AKAP9: variants seen among roughly 807,000 people sequenced by gnomAD.
The protein encoded by AKAP9 is A-kinase anchoring protein 9.
In AKAP9, 311 loss-of-function variants were observed where a neutral mutation model predicts 488.5. That is an observed-to-expected ratio of 0.64 (90% CI 0.58 to 0.70). The LOEUF is 0.70. Among genes scored for constraint, AKAP9 ranks in the 30% least tolerant of loss-of-function variants. The pLI, the probability that AKAP9 is intolerant of heterozygous loss-of-function variation, is 0.00. For synonymous variants in AKAP9, 1,462 were observed against 1,483.5 expected (o/e 0.99, Z 0.33); for missense variants, 4,215 against 4,374.5 (o/e 0.96, Z 1.03).
At chr7:91,986,652 A>G (rs1262683227) in intron 3 of AKAP9, among the ~76,000 whole-genome samples, 11 of 152,274 alleles carry the variant, frequency 7.2e-5, no homozygotes, top group African/African-American at 2.4e-4. Context: ...TCTTGTTATA[A>G]TAAGACAGTC....
At chr7:92,013,486 C>G (rs1801079586) in intron 9 of AKAP9, among the ~76,000 whole-genome samples, 2 of 152,080 alleles carry the variant, frequency 1.3e-5, no homozygotes, top group Admixed American at 6.6e-5. Context: ...GGTGATAAGA[C>G]CTACTGCAGG....
chr7:92,017,069 CAA>C lies in AKAP9; in HGVS notation c.3806_3807del (p.Lys1269ThrfsTer22), dbSNP rs1457224296. 2 of 1,591,292 alleles carry C rather than the reference CAA, an allele frequency of 1.3e-6. No individual in the cohort carries two copies. The highest frequency in any genetic ancestry group is 3.4e-5 in the Admixed American group (2 of 59,018). The part of the protein sequence containing the change: ...LLNKVTEEYN[K>X]LLVLQTRLSK... ...TCAACAAAGTAACAGAAGAATACAA[CAA>C]ACTCTTGGTACTTCAAACACGACTA... On this transcript the variant is annotated frameshift_variant, in exon 12 of 50. Transcript: ENST00000356239. LOFTEE classifies it high-confidence loss of function.
intron 14 of AKAP9, among the ~76,000 whole-genome samples, chr7:92,029,354 T>C (rs1803846322): frequency 6.6e-6 from 1 of 152,212 alleles, no homozygotes; most frequent in Non-Finnish European, 1.5e-5. Context: ...TTACTTTCGA[T>C]GTGTATACAT....
chr7:91,965,436 A>T (rs998485355), intron 1 of AKAP9, among the ~76,000 whole-genome samples: 1 of 152,114 alleles, frequency 6.6e-6, no homozygotes, highest in Non-Finnish European at 1.5e-5. Flanking sequence ...TTATCAATTG[A>T]TGGGCACTTA....
chr7:92,070,844 A>T (rs1423867375), intron 27 of AKAP9, 61 bp from the exon 28 acceptor site: 23 of 1,304,942 alleles, frequency 1.8e-5, no homozygotes, highest in Non-Finnish European at 2.4e-5. Flanking sequence ...AAAAACAAAA[A>T]AAAACTGGAT....
intron 1 of AKAP9, among the ~76,000 whole-genome samples, chr7:91,963,255 C>G (rs767741993): frequency 3.9e-5 from 6 of 152,048 alleles, no homozygotes; most frequent in Non-Finnish European, 7.4e-5. Flanking sequence ...GGTCTTGCAC[C>G]TGTTCCTCAA....
At chr7:91,988,243 A>T (rs1797338515) in intron 3 of AKAP9, among the ~76,000 whole-genome samples, 1 of 141,666 alleles carries the variant, frequency 7.1e-6, no homozygotes, top group Admixed American at 7.6e-5. Flanking sequence ...TGAGCCCAGG[A>T]GTATGATCAC....
Position 92,040,999 on chromosome 7 carries a change from C to T in AKAP9, c.4917+101C>T, listed in dbSNP as rs1033333905. 1,221 of 1,034,118 alleles carry T rather than the reference C, an allele frequency of 1.2e-3. 19 individuals are homozygous for T. The highest frequency in any genetic ancestry group is 5.9e-4 in the Admixed American group (21 of 35,784). The allele number at this position is 1,034,118 out of a possible 1,614,324, so 64.1% of individuals were successfully genotyped here. A position where few individuals can be genotyped will look rare whatever the true frequency, so the allele number is the denominator to read the frequency against. On this transcript the variant is annotated intron_variant, in intron 18 of 49. Coordinates refer to ENST00000356239, the MANE Select transcript of AKAP9 (RefSeq NM_005751.5). Reference sequence around the variant, plus strand: ...TAAAACAACAGTATTTTTTATGTAGCCATAATTTTTTTTTTTTTTTGCCGA... The same window carrying T: ...TAAAACAACAGTATTTTTTATGTAGTCATAATTTTTTTTTTTTTTTGCCGA...
At position 91,999,917 on chromosome 7, in the gene AKAP9, G is replaced by A. The variant is rs531328108; in HGVS notation, c.931-931G>A. The stretch of plus-strand genomic sequence containing the variant: ...TAAGTCCTGTTTGCCTGGGACTCCT[G>A]TCTCTTTAAAATGATTTTACTTACC... On this transcript the variant is annotated intron_variant, in intron 7 of 49. Coordinates refer to ENST00000356239, the MANE Select transcript of AKAP9 (RefSeq NM_005751.5). Among the ~76,000 whole-genome samples, 19 of 152,194 alleles carry A rather than the reference G, an allele frequency of 1.2e-4. No homozygotes were observed. The East Asian group carries it at 3.5e-3, about 28-fold the overall frequency.
At chr7:92,042,428 T>G (rs1806274436) in intron 19 of AKAP9, among the ~76,000 whole-genome samples, 1 of 152,246 alleles carries the variant, frequency 6.6e-6, no homozygotes, top group Non-Finnish European at 1.5e-5. Context: ...ACTTTATTGT[T>G]GCACTACAGC....
At chr7:92,047,315 C>T (rs956590745) in intron 21 of AKAP9, among the ~76,000 whole-genome samples, 3 of 152,050 alleles carry the variant, frequency 2.0e-5, no homozygotes, top group Non-Finnish European at 4.4e-5. Flanking sequence ...CTCCTGGGTT[C>T]AAGCCATTCT....
intron 28 of AKAP9, among the ~76,000 whole-genome samples, chr7:92,073,401 G>C (rs1812054800): frequency 6.6e-6 from 1 of 151,538 alleles, no homozygotes. Flanking sequence ...AGCTACTCGG[G>C]AGGCTGAGGC....
chr7:91,981,376 A>G (rs968422943), intron 3 of AKAP9, among the ~76,000 whole-genome samples: 3 of 152,254 alleles, frequency 2.0e-5, no homozygotes, highest in South Asian at 2.1e-4. Flanking sequence ...ATTTAAAAAT[A>G]TAGTATAACA....
Position 92,002,660 on chromosome 7 carries a change from T to A in AKAP9, c.2743T>A (p.Ser915Thr), listed in dbSNP as rs371599265. ...INPTTVKMKS[S>T]VFDEDKTFVA... ...TCCAACTACAGTGAAAATGAAAAGTTCTGTCTTTGATGAAGACAAAACTTT... is the reference window on the plus strand; with the variant it reads ...TCCAACTACAGTGAAAATGAAAAGTACTGTCTTTGATGAAGACAAAACTTT... The change falls in exon 8 of 50, where the codon TCT becomes ACT. Residue 915 changes from serine (S) to threonine (T), a missense_variant. Coordinates refer to ENST00000356239, the MANE Select transcript of AKAP9 (RefSeq NM_005751.5). 32 of 1,613,288 alleles carry A rather than the reference T, an allele frequency of 2.0e-5. No individual in the cohort carries two copies. Among genetic ancestry groups the A allele is most frequent in the Non-Finnish European group, 2.6e-5 (31 of 1,179,668 alleles).
chr7:92,102,445 C>T, intron 45 of AKAP9, 149 bp from the exon 46 acceptor site: 1 of 591,400 alleles, frequency 1.7e-6, no homozygotes, highest in Non-Finnish European at 2.9e-6. Context: ...TGCCGTTTTA[C>T]TATTACTACT....
At chr7:91,995,867 T>C in intron 7 of AKAP9, 67 bp downstream of exon 7, 1 of 1,264,264 alleles carries the variant, frequency 7.9e-7, no homozygotes, top group African/African-American at 1.5e-5. Flanking sequence ...TTTATGCAAG[T>C]GGTTTTTTTT....
At chr7:92,000,102 T>C (rs1215649032) in intron 7 of AKAP9, among the ~76,000 whole-genome samples, 1 of 152,244 alleles carries the variant, frequency 6.6e-6, no homozygotes, top group Non-Finnish European at 1.5e-5. Flanking sequence ...ATAACAGATA[T>C]GCCTTGGCCT....
At chr7:92,033,890 G>C (rs957196278) in intron 16 of AKAP9, among the ~76,000 whole-genome samples, 20 of 152,178 alleles carry the variant, frequency 1.3e-4, no homozygotes, top group African/African-American at 4.8e-4. Flanking sequence ...AATGTTCTGG[G>C]TGCTGAAGTA....
intron 8 of AKAP9, among the ~76,000 whole-genome samples, chr7:92,003,649 C>T (rs1190429504): frequency 6.6e-6 from 1 of 151,844 alleles, no homozygotes; most frequent in Non-Finnish European, 1.5e-5. Flanking sequence ...AAAATGAACT[C>T]CTAAGCTTTT....
Sources: gnomAD v4.1 joint callset for allele counts (sites outside exome capture counted in the v4.1 genomes callset) on GRCh38, gnomAD v4.1.1 for gene constraint, MANE v1.5 for transcripts, NCBI Gene and HGNC (gene_info 2026-07-23, HGNC 2026-07-21) for gene names.